Variants in PLCL1 observed in about 807,000 individuals in gnomAD.
PLCL1 encodes phospholipase C like 1 (inactive).
A neutral mutation model predicts 84.4 loss-of-function variants in PLCL1; 41 were observed. The observed-to-expected ratio is 0.49, with a 90% CI of 0.38 to 0.63. PLCL1 has a LOEUF of 0.63. Ranked by LOEUF, PLCL1 falls within the 30% of genes least tolerant of loss-of-function variation. The pLI is 0.00. For missense variants in PLCL1, 1,206 were observed against 1,367.8 expected (o/e 0.88, Z 1.87); for synonymous variants, 490 against 488.3 (o/e 1.00, Z -0.05).
chr2:197,844,719 T>C (rs2105673505), intron 1 of PLCL1, among the ~76,000 whole-genome samples: 2 of 152,222 alleles, frequency 1.3e-5, no homozygotes, highest in Middle Eastern at 6.8e-3. Context: ...ATCAATATTG[T>C]AGGCCTTTGG....
chr2:197,990,817 T>C (rs1690331801), intron 1 of PLCL1, among the ~76,000 whole-genome samples: 1 of 152,192 alleles, frequency 6.6e-6, no homozygotes, highest in African/African-American at 2.4e-5. Flanking sequence ...GGAAAACTCT[T>C]TGATGACTTA....
At chr2:198,006,874 A>G (rs901167654) in intron 1 of PLCL1, among the ~76,000 whole-genome samples, 1 of 152,146 alleles carries the variant, frequency 6.6e-6, no homozygotes, top group African/African-American at 2.4e-5. Context: ...ACCTTTTACC[A>G]GTTTCTAAAG....
chr2:197,995,444 T>C (rs1220640811), intron 1 of PLCL1, among the ~76,000 whole-genome samples: 1 of 151,906 alleles, frequency 6.6e-6, no homozygotes, highest in African/African-American at 2.4e-5. Context: ...AAGCAACAAG[T>C]AAATAAAAAC....
intron 1 of PLCL1, among the ~76,000 whole-genome samples, chr2:198,047,722 A>G (rs748105754): frequency 6.6e-6 from 1 of 152,226 alleles, no homozygotes; most frequent in Admixed American, 6.5e-5. Flanking sequence ...AATTGGTGTG[A>G]ACTTATATGT....
At chr2:197,861,759 T>TG (rs533489228) in intron 1 of PLCL1, among the ~76,000 whole-genome samples, 2 of 152,074 alleles carry the variant, frequency 1.3e-5, no homozygotes, top group Non-Finnish European at 2.9e-5. Context: ...GCTTGGTGTA[T>TG]GGGGGGGAAC....
intron 1 of PLCL1, among the ~76,000 whole-genome samples, chr2:197,953,926 T>C (rs536437433): frequency 2.0e-5 from 3 of 151,336 alleles, no homozygotes; most frequent in Admixed American, 1.3e-4. Context: ...GTAGAATAAA[T>C]CTGCATGTAT....
At chr2:197,942,248 A>G (rs901195417) in intron 1 of PLCL1, among the ~76,000 whole-genome samples, 2 of 152,096 alleles carry the variant, frequency 1.3e-5, no homozygotes, top group African/African-American at 4.8e-5. Flanking sequence ...CAATCAGTCC[A>G]TTTCCATCTT....
intron 1 of PLCL1, among the ~76,000 whole-genome samples, chr2:198,056,441 C>G (rs766081169): frequency 3.9e-5 from 6 of 152,136 alleles, no homozygotes; most frequent in Non-Finnish European, 7.3e-5. Flanking sequence ...TCAGACAGAC[C>G]TAGGATTACA....
chr2:197,855,334 C>A (rs1190343077), intron 1 of PLCL1, among the ~76,000 whole-genome samples: 1 of 152,150 alleles, frequency 6.6e-6, no homozygotes, highest in Non-Finnish European at 1.5e-5. Context: ...GCCGCTTAAT[C>A]CCCACATGTG....
rs575134063 is a variant in PLCL1, at chr2:198,101,166, G to A, written c.2920-119G>A. On this transcript the variant is annotated intron_variant, in intron 3 of 5. Transcript: ENST00000428675. ...TATCCTTCTCCCTCCCATCTGTTGT[G>A]GTGAGACTATGGCTTACTTTTACTG... 2.1e-4 allele frequency: 143 copies of A among 686,790 alleles called. No individual in the cohort carries two copies. In the African/African-American group the frequency reaches 2.2e-3, roughly 11 times the overall value. The allele number at this position is 686,790 out of a possible 1,614,324, so 42.5% of individuals were successfully genotyped here. A position where few individuals can be genotyped will look rare whatever the true frequency, so the allele number is the denominator to read the frequency against.
intron 1 of PLCL1, among the ~76,000 whole-genome samples, chr2:197,930,931 T>C (rs1398992609): frequency 6.6e-6 from 1 of 152,160 alleles, no homozygotes; most frequent in Admixed American, 6.6e-5. Context: ...CTGCTAAAAG[T>C]GGTAGACAGT....
At chr2:197,822,905 C>T (rs1017473698) in intron 1 of PLCL1, among the ~76,000 whole-genome samples, 3 of 152,118 alleles carry the variant, frequency 2.0e-5, no homozygotes, top group African/African-American at 7.2e-5. Flanking sequence ...TATTAAGACA[C>T]TATGCTCCTG....
intron 1 of PLCL1, among the ~76,000 whole-genome samples, chr2:197,904,471 G>T (rs1688337025): frequency 6.6e-6 from 1 of 152,172 alleles, no homozygotes; most frequent in Non-Finnish European, 1.5e-5. Context: ...TTGGCTTAAT[G>T]GATAGTCACA....
intron 5 of PLCL1, among the ~76,000 whole-genome samples, chr2:198,121,810 T>G (rs1693874003): frequency 6.6e-6 from 1 of 152,114 alleles, no homozygotes; most frequent in Non-Finnish European, 1.5e-5. Context: ...GGCTCCCATA[T>G]GCACTGGACT....
In PLCL1 at chr2:197,805,191, G is replaced by A. The variant is rs1690443260; in HGVS notation, c.92G>A (p.Gly31Glu). 2.3e-6 allele frequency: 3 copies of A among 1,280,374 alleles called. No homozygotes were observed. The highest frequency in any genetic ancestry group is 3.1e-5 in the African/African-American group (2 of 64,624). 79.3% of individuals were successfully genotyped at this position (1,280,374 alleles called of 1,614,324 possible). Residue 31 changes from glycine (G) to glutamate (E), a missense_variant, in exon 1 of 6, where the codon GGG (glycine) becomes GAG (glutamate). Coordinates refer to ENST00000428675, the MANE Select transcript of PLCL1 (RefSeq NM_006226.4). This position sits in a 1 kb window ranked among gnomAD's most constrained non-coding sequence, Gnocchi z 4.0. ...DDPRVGPDAA[G>E]DCVTAASGGR... ...CCCCGAGTGGGCCCGGATGCCGCCGGGGACTGCGTGACGGCGGCCTCTGGG... is the reference window on the plus strand; with the variant it reads ...CCCCGAGTGGGCCCGGATGCCGCCGAGGACTGCGTGACGGCGGCCTCTGGG...
chr2:197,825,201 G>A (rs572910290), intron 1 of PLCL1, among the ~76,000 whole-genome samples: 1 of 152,192 alleles, frequency 6.6e-6, no homozygotes, highest in East Asian at 1.9e-4. Context: ...CTTTATGAAA[G>A]CATTCTGAAA....
chr2:197,930,648 G>A (rs1309430283), intron 1 of PLCL1, among the ~76,000 whole-genome samples: 1 of 152,016 alleles, frequency 6.6e-6, no homozygotes, highest in Non-Finnish European at 1.5e-5. Context: ...ACCATACAGC[G>A]ACAATTGGTC....
At chr2:198,080,607 C>T (rs926907021) in intron 1 of PLCL1, among the ~76,000 whole-genome samples, 1 of 152,210 alleles carries the variant, frequency 6.6e-6, no homozygotes, top group African/African-American at 2.4e-5. Flanking sequence ...CAGACATTGT[C>T]CTTTCCTATG....
intron 1 of PLCL1, among the ~76,000 whole-genome samples, chr2:197,911,103 G>C (rs148329033): frequency 2.0e-5 from 3 of 152,256 alleles, no homozygotes; most frequent in African/African-American, 4.8e-5. Context: ...TTAGTTTTGG[G>C]AGGCTGAGGC....
Sources: allele counts gnomAD v4.1 joint callset (sites outside exome capture counted in the v4.1 genomes callset), GRCh38; gene constraint gnomAD v4.1.1; non-coding constraint Gnocchi (gnomAD v3.1); transcripts MANE v1.5; gene names NCBI Gene and HGNC (gene_info 2026-07-23, HGNC 2026-07-21).